KLF15: variants seen among roughly 807,000 people sequenced by gnomAD.
KLF15 encodes Krueppel-like factor 15.
KLF15 carries 4 observed loss-of-function variants against 24.6 expected under a neutral mutation model. That is an observed-to-expected ratio of 0.16 (90% CI 0.08 to 0.37). The LOEUF (loss-of-function observed/expected upper bound fraction) is 0.37, where lower values mean the gene tolerates loss of function less well. Ranked by LOEUF, KLF15 falls within the 10% of genes least tolerant of loss-of-function variation. The pLI, the probability that KLF15 is intolerant of heterozygous loss-of-function variation, is 1.00. For missense variants in KLF15, 496 were observed against 560.6 expected (o/e 0.88, Z 1.16); for synonymous variants, 246 against 236.3 (o/e 1.04, Z -0.37).
chr3:126,301,610 C>CTTTTTTTTTTTTTTTT, the KLF15 span, among the ~76,000 whole-genome samples: 4 of 132,284 alleles, frequency 3.0e-5, no homozygotes, highest in Non-Finnish European at 6.3e-5. Context: ...TTTTCTTTTT[C>CTTTTTTTTTTTTTTTT]TTTTTTTTTT....
At chr3:126,295,534 G>C in the KLF15 span, among the ~76,000 whole-genome samples, 1 of 152,152 alleles carries the variant, frequency 6.6e-6, no homozygotes, top group Admixed American at 6.5e-5. Context: ...ATCCACATTC[G>C]TATCCCGAGT....
chr3:126,295,925 T>A, the KLF15 span, among the ~76,000 whole-genome samples: 1 of 152,140 alleles, frequency 6.6e-6, no homozygotes, highest in South Asian at 2.1e-4. Context: ...TCATTTCCCA[T>A]CCACTGACCC....
the KLF15 span, among the ~76,000 whole-genome samples, chr3:126,322,750 C>A: frequency 6.6e-6 from 1 of 152,136 alleles, no homozygotes; most frequent in South Asian, 2.1e-4. Flanking sequence ...CTCTTGCCTG[C>A]CCACGCCATT....
At chr3:126,313,163 C>A in the KLF15 span, among the ~76,000 whole-genome samples, 2 of 152,102 alleles carry the variant, frequency 1.3e-5, no homozygotes, top group African/African-American at 2.4e-5. Flanking sequence ...TTGGGACACA[C>A]AAAGAGACCC....
At chr3:126,298,972 T>C in the KLF15 span, among the ~76,000 whole-genome samples, 19,487 of 152,080 alleles carry the variant, frequency 0.13, 1,437 homozygotes, top group Admixed American at 0.22. Flanking sequence ...TCTATATAAA[T>C]TTTAGGATTG....
the KLF15 span, among the ~76,000 whole-genome samples, chr3:126,315,005 C>G: frequency 6.6e-6 from 1 of 152,150 alleles, no homozygotes; most frequent in Non-Finnish European, 1.5e-5. Context: ...GATGAAACTG[C>G]GGCCAGGGAT....
chr3:126,295,069 C>T, the KLF15 span, among the ~76,000 whole-genome samples: 1 of 152,170 alleles, frequency 6.6e-6, no homozygotes, highest in Non-Finnish European at 1.5e-5. Flanking sequence ...TACGCACATG[C>T]ATATAGATAC....
the KLF15 span, among the ~76,000 whole-genome samples, chr3:126,315,878 A>G: frequency 7.2e-5 from 11 of 152,306 alleles, no homozygotes; most frequent in African/African-American, 2.4e-4. Flanking sequence ...TCTGGGAAGG[A>G]AAATATTCTT....
At chr3:126,320,885 G>T in the KLF15 span, among the ~76,000 whole-genome samples, 2 of 151,964 alleles carry the variant, frequency 1.3e-5, no homozygotes, top group Admixed American at 1.3e-4. Context: ...GCAGGGGAAG[G>T]GTGGTCCTGA....
chr3:126,327,674 T>A, the KLF15 span, among the ~76,000 whole-genome samples: 1 of 152,216 alleles, frequency 6.6e-6, no homozygotes, highest in East Asian at 1.9e-4. Context: ...CATTCCAGAC[T>A]TCATACATAG....
intron 2 of KLF15, among the ~76,000 whole-genome samples, chr3:126,345,583 A>C (rs928478810): frequency 1.3e-5 from 2 of 151,396 alleles, no homozygotes; most frequent in Non-Finnish European, 2.9e-5. Context: ...GCACAAATTC[A>C]TGCCCCCATG....
At chr3:126,310,117 C>A in the KLF15 span, among the ~76,000 whole-genome samples, 16 of 152,362 alleles carry the variant, frequency 1.1e-4, no homozygotes, top group African/African-American at 3.1e-4. Flanking sequence ...GACACCACCC[C>A]CTCCATCAGG....
chr3:126,291,981 C>T, the KLF15 span, among the ~76,000 whole-genome samples: 15 of 152,356 alleles, frequency 9.8e-5, no homozygotes, highest in African/African-American at 2.6e-4. Flanking sequence ...GCTGCCATCA[C>T]GGCTCGCCTA....
chr3:126,319,550 T>A, the KLF15 span, among the ~76,000 whole-genome samples: 1 of 152,242 alleles, frequency 6.6e-6, no homozygotes, highest in Non-Finnish European at 1.5e-5. Context: ...CATATGCATA[T>A]TTGCCATCTC....
chr3:126,299,082 T>A, the KLF15 span, among the ~76,000 whole-genome samples: 1 of 152,228 alleles, frequency 6.6e-6, no homozygotes, highest in African/African-American at 2.4e-5. Flanking sequence ...ACAATATTGA[T>A]TCTACCCATC....
chr3:126,355,278 G>A (rs1317742853), intron 1 of KLF15, among the ~76,000 whole-genome samples: 1 of 152,262 alleles, frequency 6.6e-6, no homozygotes, highest in African/African-American at 2.4e-5. Context: ...AAAAAGTACA[G>A]TAGGGGGGCT....
At chr3:126,323,462 ACATATATATGTTATATATATATATAAC>A in the KLF15 span, among the ~76,000 whole-genome samples, 2 of 86,552 alleles carry the variant, frequency 2.3e-5, no homozygotes, top group African/African-American at 6.1e-5. Flanking sequence ...TATATATATA[ACATATATATGTTATATATATATATAAC>A]ATATATATAT....
At chr3:126,314,443 G>T in the KLF15 span, among the ~76,000 whole-genome samples, 1 of 152,316 alleles carries the variant, frequency 6.6e-6, no homozygotes, top group East Asian at 1.9e-4. Flanking sequence ...GGGAAGCAGA[G>T]AATCAGAACA....
chr3:126,292,761 G>T, the KLF15 span, among the ~76,000 whole-genome samples: 1 of 152,126 alleles, frequency 6.6e-6, no homozygotes, highest in Non-Finnish European at 1.5e-5. Flanking sequence ...GGGCAGGGGT[G>T]CAGCTCCCAG....
Sources: allele counts gnomAD v4.1 joint callset (sites outside exome capture counted in the v4.1 genomes callset), GRCh38; gene constraint gnomAD v4.1.1; transcripts MANE v1.5; gene names NCBI Gene and HGNC (gene_info 2026-07-23, HGNC 2026-07-21).